SEC24D: variants seen among roughly 807,000 people sequenced by gnomAD.
The protein encoded by SEC24D is SEC24 homolog D, COPII component, also known as protein transport protein Sec24D.
In SEC24D, 69 loss-of-function variants were observed where a neutral mutation model predicts 116.9. That is an observed-to-expected ratio of 0.59 (90% confidence interval 0.49 to 0.72). The LOEUF is 0.72. Ranked by LOEUF, SEC24D falls within the 30% of genes least tolerant of loss-of-function variation. The probability of loss-of-function intolerance (pLI) is 0.00; values close to 1 mark genes in which losing one functional copy is unlikely to be tolerated. For missense variants in SEC24D, 1,131 were observed against 1,264.1 expected, an observed-to-expected ratio of 0.89 and a Z score of 1.60; for synonymous variants, 405 against 442.8, an observed-to-expected ratio of 0.91 and a Z score of 1.07.
At chr4:118,754,572 G>A (rs1177706093) in intron 11 of SEC24D, among the ~76,000 whole-genome samples, 1 of 152,022 alleles carries the variant, frequency 6.6e-6, no homozygotes, top group Non-Finnish European at 1.5e-5. Context: ...CTGAGGGTCG[G>A]GTACAATGTG....
intron 19 of SEC24D, 160 bp downstream of exon 19, chr4:118,738,101 C>A (rs1014235064): frequency 7.9e-5 from 40 of 506,556 alleles, no homozygotes; most frequent in Admixed American, 1.1e-4. Context: ...AAAAAAAAAA[C>A]CACAGCCCCC....
chr4:118,788,849 C>T (rs1311681976), intron 8 of SEC24D, among the ~76,000 whole-genome samples: 1 of 152,220 alleles, frequency 6.6e-6, no homozygotes, highest in Non-Finnish European at 1.5e-5. Flanking sequence ...AAATCAACCA[C>T]CATTCTGTGA....
chr4:118,801,112 A>G (rs1209191842), intron 7 of SEC24D, among the ~76,000 whole-genome samples: 1 of 152,082 alleles, frequency 6.6e-6, no homozygotes, highest in Non-Finnish European at 1.5e-5. Context: ...ATACAAAAAA[A>G]TCAGCCGGGC....
chr4:118,733,611 C>T (rs907826219), intron 19 of SEC24D, among the ~76,000 whole-genome samples: 67 of 152,010 alleles, frequency 4.4e-4, no homozygotes, highest in African/African-American at 1.6e-3. Context: ...TGGGGATAGA[C>T]ATATAAATAC....
At chr4:118,834,470 C>A (rs1007567051) in intron 1 of SEC24D, among the ~76,000 whole-genome samples, 1 of 151,856 alleles carries the variant, frequency 6.6e-6, no homozygotes, top group Non-Finnish European at 1.5e-5. Context: ...ACAAATATAA[C>A]AGACTCATCT....
rs141397906 is a variant in SEC24D, at chr4:118,730,994, T to G, written c.2868+322A>C. On this transcript the variant is annotated intron_variant, in intron 21 of 22. Transcript: ENST00000280551. ...TCCTCTGTAAAATGTTGAGACCATA[T>G]CCATCTCACTGATTTGTTATGACAA... The G allele has an allele frequency of 1.9e-4, 60 of 319,126 alleles. No individual in the cohort carries two copies. The East Asian group carries it at 4.8e-3, about 26-fold the overall frequency. 19.8% of individuals were successfully genotyped at this position (319,126 alleles called of 1,614,324 possible). A position where few individuals can be genotyped will look rare whatever the true frequency, so the allele number is the denominator to read the frequency against.
At chr4:118,789,304 CCAAAA>C (rs1728789540) in intron 8 of SEC24D, among the ~76,000 whole-genome samples, 1 of 152,166 alleles carries the variant, frequency 6.6e-6, no homozygotes, top group Non-Finnish European at 1.5e-5. Context: ...ATAAGTTCTG[CCAAAA>C]CTATGTCAAC....
intron 3 of SEC24D, among the ~76,000 whole-genome samples, chr4:118,821,797 T>C (rs1227940109): frequency 6.6e-6 from 1 of 152,246 alleles, no homozygotes; most frequent in African/African-American, 2.4e-5. Context: ...TACCCTTGCA[T>C]TGCGCTACAT....
At chr4:118,744,400 A>G (rs1034330902) in intron 14 of SEC24D, among the ~76,000 whole-genome samples, 2 of 152,206 alleles carry the variant, frequency 1.3e-5, no homozygotes, top group African/African-American at 4.8e-5. Flanking sequence ...ATTTTATTTG[A>G]TACTCCATCA....
chr4:118,775,580 G>A (rs1728094816), intron 8 of SEC24D, among the ~76,000 whole-genome samples: 1 of 152,080 alleles, frequency 6.6e-6, no homozygotes, highest in African/African-American at 2.4e-5. Context: ...GAGTGATTTT[G>A]AGGAGAGCCT....
intron 8 of SEC24D, among the ~76,000 whole-genome samples, chr4:118,789,655 G>C (rs1342673885): frequency 6.6e-6 from 1 of 152,214 alleles, no homozygotes; most frequent in African/African-American, 2.4e-5. Context: ...CGCAACCTTA[G>C]CTCACTGCAA....
intron 8 of SEC24D, among the ~76,000 whole-genome samples, chr4:118,770,871 T>A (rs987459940): frequency 6.6e-6 from 1 of 152,144 alleles, no homozygotes; most frequent in African/African-American, 2.4e-5. Context: ...ACACTTACAG[T>A]TTTTTCAATT....
rs549160119 is a variant in SEC24D, at chr4:118,738,408, G to A, written c.2378-29C>T. The stretch of plus-strand genomic sequence containing the variant: ...CATCACAAAACAATGAAAAGGACAT[G>A]AGTTTTAGCTCAGACACTGATCTCT... On this transcript the variant is annotated intron_variant, in intron 18 of 22. Coordinates refer to ENST00000280551, the MANE Select transcript of SEC24D (RefSeq NM_014822.4). The A allele has an allele frequency of 1.8e-4, 262 of 1,445,772 alleles. 3 individuals carry two copies. The South Asian group carries it at 2.6e-3, about 14-fold the overall frequency. 89.6% of individuals were successfully genotyped at this position (1,445,772 alleles called of 1,614,324 possible). A position where few individuals can be genotyped will look rare whatever the true frequency, so the allele number is the denominator to read the frequency against.
At chr4:118,745,279 T>C (rs1726454659) in intron 13 of SEC24D, among the ~76,000 whole-genome samples, 1 of 152,148 alleles carries the variant, frequency 6.6e-6, no homozygotes, top group African/African-American at 2.4e-5. Flanking sequence ...GTCATAAAAT[T>C]TGTAAATGAA....
At chr4:118,793,476 A>G (rs1268539311) in intron 8 of SEC24D, among the ~76,000 whole-genome samples, 1 of 149,482 alleles carries the variant, frequency 6.7e-6, no homozygotes, top group Admixed American at 6.6e-5. Flanking sequence ...CAAAAAAAAA[A>G]AAAAAAAAAA....
intron 6 of SEC24D, among the ~76,000 whole-genome samples, chr4:118,810,200 CTT>C (rs1005232525): frequency 2.0e-5 from 3 of 147,112 alleles, no homozygotes; most frequent in Non-Finnish European, 4.5e-5. Context: ...ATTGTAAGAA[CTT>C]TGGTTTTTAG....
intron 8 of SEC24D, among the ~76,000 whole-genome samples, chr4:118,779,129 C>T (rs976156775): frequency 2.0e-5 from 3 of 152,172 alleles, no homozygotes; most frequent in African/African-American, 7.2e-5. Flanking sequence ...GCCAGAACTT[C>T]CAGCACTATG....
At chr4:118,815,378 G>A in intron 5 of SEC24D, 73 bp downstream of exon 5, 1 of 1,549,170 alleles carries the variant, frequency 6.5e-7, no homozygotes, top group African/African-American at 1.4e-5. Context: ...AGTAACATAG[G>A]AACAAAGCTG....
chr4:118,740,494 T>C (rs1455676712), intron 17 of SEC24D, among the ~76,000 whole-genome samples, 169 bp downstream of exon 17: 1 of 152,204 alleles, frequency 6.6e-6, no homozygotes, highest in Non-Finnish European at 1.5e-5. Context: ...TGAATGAGTA[T>C]GGAGAAACCT....
Sources: allele counts gnomAD v4.1 joint callset (sites outside exome capture counted in the v4.1 genomes callset), GRCh38; gene constraint gnomAD v4.1.1; transcripts MANE v1.5; gene names NCBI Gene and HGNC (gene_info 2026-07-23, HGNC 2026-07-21).